Variants in RTN1 observed in about 807,000 individuals in gnomAD.
The protein encoded by RTN1 is reticulon 1.
Under a neutral mutation model 65.5 loss-of-function variants are expected in RTN1, and 25 were observed. The observed-to-expected ratio is 0.38, with a 90% CI of 0.28 to 0.53. The LOEUF (loss-of-function observed/expected upper bound fraction) is 0.53. Ranked by LOEUF, RTN1 falls within the 20% of genes least tolerant of loss-of-function variation. The pLI, the probability that RTN1 is intolerant of heterozygous loss-of-function variation, is 0.79. For synonymous variants in RTN1, 471 were observed against 447.6 expected (o/e 1.05, Z -0.66); for missense variants, 983 against 1,025.4 (o/e 0.96, Z 0.57).
intron 1 of RTN1, among the ~76,000 whole-genome samples, chr14:59,837,110 A>G (rs1887226129): frequency 6.6e-6 from 1 of 152,174 alleles, no homozygotes; most frequent in Admixed American, 6.5e-5. Flanking sequence ...AAAATAGTAT[A>G]CAATGAGTAT....
At chr14:59,601,759 C>T (rs1881585346) in intron 8 of RTN1, among the ~76,000 whole-genome samples, 1 of 152,160 alleles carries the variant, frequency 6.6e-6, no homozygotes, top group South Asian at 2.1e-4. Context: ...TTAAAATATA[C>T]ATTCCAGGTT....
intron 1 of RTN1, among the ~76,000 whole-genome samples, chr14:59,749,736 T>C (rs1481444107): frequency 1.0e-5 from 1 of 100,112 alleles, no homozygotes; most frequent in Non-Finnish European, 1.7e-5. Context: ...TATATATTTA[T>C]ATATATATCT....
chr14:59,848,797 G>A (rs1026928764), intron 1 of RTN1, among the ~76,000 whole-genome samples: 1 of 152,142 alleles, frequency 6.6e-6, no homozygotes, highest in Non-Finnish European at 1.5e-5. Flanking sequence ...GACTATTGGA[G>A]ACACAACCTC....
chr14:59,655,310 C>T (rs900654218), intron 3 of RTN1, among the ~76,000 whole-genome samples: 1 of 152,192 alleles, frequency 6.6e-6, no homozygotes, highest in Admixed American at 6.5e-5. Flanking sequence ...TTAGAGAATA[C>T]CTAATTAAAT....
rs150055106 is a variant in RTN1, at chr14:59,653,930, G to A, written c.1766-46438C>T. 6.4e-3 allele frequency among the ~76,000 whole-genome samples: 977 copies of A among 151,938 alleles called. 7 individuals are homozygous for A. The highest frequency in any genetic ancestry group is 0.022 in the African/African-American group (927 of 41,434). On this transcript the variant is annotated intron_variant, in intron 3 of 8. Transcript: ENST00000267484. Reference sequence around the variant, plus strand: ...ATTTATTTATTTAGAGATGAATCTCGCTCTGTCACCCAGGCTGGAGTGCAG... The same window carrying A: ...ATTTATTTATTTAGAGATGAATCTCACTCTGTCACCCAGGCTGGAGTGCAG...
At chr14:59,845,926 C>G (rs185949538) in intron 1 of RTN1, among the ~76,000 whole-genome samples, 1 of 152,210 alleles carries the variant, frequency 6.6e-6, no homozygotes, top group Admixed American at 6.5e-5. Flanking sequence ...AAAAAAAATC[C>G]TAAATTCCAG....
At chr14:59,795,105 C>T (rs1886416358) in intron 1 of RTN1, among the ~76,000 whole-genome samples, 1 of 152,136 alleles carries the variant, frequency 6.6e-6, no homozygotes, top group South Asian at 2.1e-4. Flanking sequence ...AATAATTCCA[C>T]ATTGTGTGTA....
At chr14:59,600,774 T>A (rs1881554580) in intron 8 of RTN1, among the ~76,000 whole-genome samples, 1 of 152,216 alleles carries the variant, frequency 6.6e-6, no homozygotes. Flanking sequence ...ACAGAAGCCA[T>A]ATTAGTCATA....
intron 8 of RTN1, among the ~76,000 whole-genome samples, chr14:59,600,685 G>A (rs949537632): frequency 6.6e-6 from 1 of 152,102 alleles, no homozygotes; most frequent in African/African-American, 2.4e-5. Flanking sequence ...TAGATAGTGA[G>A]AACCATGTGA....
chr14:59,757,365 T>G (rs540425257), intron 1 of RTN1, among the ~76,000 whole-genome samples: 2 of 152,278 alleles, frequency 1.3e-5, no homozygotes, highest in East Asian at 3.9e-4. Flanking sequence ...AGTGAATACG[T>G]TTCATGAGAT....
At chr14:59,688,125 C>T (rs549509565) in intron 3 of RTN1, among the ~76,000 whole-genome samples, 6 of 151,732 alleles carry the variant, frequency 4.0e-5, no homozygotes, top group South Asian at 2.1e-4. Flanking sequence ...CCTCTCTACT[C>T]GATGCTCAGG....
In RTN1 at chr14:59,603,892, G is replaced by A. The variant is rs144098420; in HGVS notation, c.2142C>T (p.Tyr714=). The change falls in exon 6 of 9, where the codon TAC becomes TAT. Residue 714 remains tyrosine, a synonymous_variant. Transcript: ENST00000267484. ...KFAVLMWLLT[Y]VGALFNGLTL... is the part of the protein sequence containing the mutation. Reference sequence around the variant, plus strand: ...TCAGGCCATTGAAGAGAGCGCCAACGTAGGTCAGGAGCCACATCAGGACTG... The same window carrying A: ...TCAGGCCATTGAAGAGAGCGCCAACATAGGTCAGGAGCCACATCAGGACTG... 321 of 1,612,024 alleles carry A rather than the reference G, an allele frequency of 2.0e-4. No individual in the cohort carries two copies. The African/African-American group carries it at 2.9e-3, about 15-fold the overall frequency.
chr14:59,625,877 CA>C (rs1370101743), intron 3 of RTN1, among the ~76,000 whole-genome samples: 2 of 152,096 alleles, frequency 1.3e-5, no homozygotes, highest in South Asian at 4.1e-4. Flanking sequence ...TGATTACCTA[CA>C]TTTGGTATAT....
intron 3 of RTN1, among the ~76,000 whole-genome samples, chr14:59,608,836 G>A (rs1881849191): frequency 6.6e-6 from 1 of 152,046 alleles, no homozygotes; most frequent in South Asian, 2.1e-4. Context: ...AGCATGTTTT[G>A]GGGGTGAAAC....
intron 3 of RTN1, among the ~76,000 whole-genome samples, chr14:59,656,525 A>T (rs887643436): frequency 6.6e-6 from 1 of 152,190 alleles, no homozygotes; most frequent in Non-Finnish European, 1.5e-5. Context: ...GCACATATAC[A>T]TACAGGTTAA....
In RTN1 at chr14:59,766,571, C is replaced by T. The variant is rs1885854749; in HGVS notation, c.242-20090G>A. ...CTTCTGGTTGTTTATCAGATGACCC[C>T]ATGATAAGGTTTAAGAGTATTTTTA... On this transcript the variant is annotated intron_variant, in intron 1 of 8. Transcript: ENST00000267484. This position sits in a 1 kb window ranked among gnomAD's most constrained non-coding sequence, Gnocchi z 4.4. Among the ~76,000 whole-genome samples, 1 of 152,116 alleles carries T rather than the reference C, an allele frequency of 6.6e-6. No individual in the cohort carries two copies. The highest frequency in any genetic ancestry group is 6.6e-5 in the Admixed American group (1 of 15,264).
At chr14:59,613,897 CAT>C (rs1882032299) in intron 3 of RTN1, among the ~76,000 whole-genome samples, 1 of 152,024 alleles carries the variant, frequency 6.6e-6, no homozygotes, top group Non-Finnish European at 1.5e-5. Flanking sequence ...TTCTGTTTTG[CAT>C]ACTGTTATCT....
At chr14:59,651,940 C>T (rs1214556378) in intron 3 of RTN1, among the ~76,000 whole-genome samples, 2 of 152,058 alleles carry the variant, frequency 1.3e-5, no homozygotes, top group Non-Finnish European at 2.9e-5. Context: ...GCAAACTATG[C>T]ATCAAAGGTC....
At chr14:59,864,287 A>G (rs1566752324) in intron 1 of RTN1, among the ~76,000 whole-genome samples, 2 of 152,074 alleles carry the variant, frequency 1.3e-5, no homozygotes, top group African/African-American at 2.4e-5. Flanking sequence ...GGTTCCTTCA[A>G]TGTGCTAGGC....
Sources: gnomAD v4.1 joint callset for allele counts (sites outside exome capture counted in the v4.1 genomes callset) on GRCh38, gnomAD v4.1.1 for gene constraint, Gnocchi (gnomAD v3.1) non-coding constraint, MANE v1.5 for transcripts, NCBI Gene and HGNC (gene_info 2026-07-23, HGNC 2026-07-21) for gene names.